The following CFAP61 variants were observed in gnomAD, a reference collection of about 807,000 sequenced individuals.
The protein encoded by CFAP61 is cilia- and flagella-associated protein 61.
Under a neutral mutation model 135.6 loss-of-function variants are expected in CFAP61, and 107 were observed. That is an observed-to-expected ratio of 0.79 (90% confidence interval 0.67 to 0.93). The LOEUF is 0.93. CFAP61 is among the 40% of genes least tolerant of loss of function. The pLI is 0.00. For missense variants in CFAP61, 1,507 were observed against 1,556.2 expected, an observed-to-expected ratio of 0.97 and a Z score of 0.53; for synonymous variants, 575 against 578.5, an observed-to-expected ratio of 0.99 and a Z score of 0.09.
chr20:20,206,823 G>A (rs914118892), intron 17 of CFAP61, among the ~76,000 whole-genome samples: 1 of 152,006 alleles, frequency 6.6e-6, no homozygotes, highest in Non-Finnish European at 1.5e-5. Flanking sequence ...GGGTCACATG[G>A]TAACTCTATG....
At chr20:20,304,067 C>T (rs1333395507) in intron 25 of CFAP61, among the ~76,000 whole-genome samples, 1 of 152,124 alleles carries the variant, frequency 6.6e-6, no homozygotes, top group Admixed American at 6.5e-5. Context: ...TCACTTGGAA[C>T]CATATGGGGA....
chr20:20,200,402 A>G (rs752111406), intron 17 of CFAP61, among the ~76,000 whole-genome samples: 2 of 152,204 alleles, frequency 1.3e-5, no homozygotes, highest in Non-Finnish European at 2.9e-5. Flanking sequence ...ACAGAAGCAT[A>G]TGAGCTGCCC....
intron 26 of CFAP61, among the ~76,000 whole-genome samples, chr20:20,356,531 G>GTGAGGGGAGGTGGTCACAC (rs1485656664): frequency 9.2e-6 from 1 of 108,986 alleles, no homozygotes; most frequent in Non-Finnish European, 2.1e-5. Flanking sequence ...TGGTCACAGT[G>GTGAGGGGAGGTGGTCACAC]TGAGGGGAGG....
intron 6 of CFAP61, among the ~76,000 whole-genome samples, chr20:20,082,576 G>A (rs2046506870): frequency 6.6e-6 from 1 of 152,210 alleles, no homozygotes; most frequent in Non-Finnish European, 1.5e-5. Context: ...GGGAAAACCT[G>A]TCTTTTTCAA....
At chr20:20,130,081 A>C (rs571019662) in intron 8 of CFAP61, among the ~76,000 whole-genome samples, 1 of 151,690 alleles carries the variant, frequency 6.6e-6, no homozygotes, top group South Asian at 2.1e-4. Flanking sequence ...TGAGGTCAGG[A>C]GTTTGAGACC....
chr20:20,136,169 T>C lies in CFAP61; in HGVS notation c.860-6688T>C, dbSNP rs191345469. ...CTTGCTGCTTTTAGGGTCCCTTTTT[T>C]TACCCTTGACCTTTGGGAGTTTGAT... On this transcript the variant is annotated intron_variant, in intron 8 of 26. Coordinates refer to ENST00000245957, the MANE Select transcript of CFAP61 (RefSeq NM_015585.4). Among the ~76,000 whole-genome samples the C allele has an allele frequency of 3.0e-4, 46 of 152,244 alleles. No individual in the cohort carries two copies. In the East Asian group the frequency reaches 8.3e-3, roughly 27 times the overall value.
At chr20:20,149,490 G>T (rs954820807) in intron 9 of CFAP61, among the ~76,000 whole-genome samples, 8 of 152,198 alleles carry the variant, frequency 5.3e-5, no homozygotes, top group African/African-American at 1.9e-4. Flanking sequence ...AGAAGCAGCA[G>T]ACTGCTGCAA....
At position 20,169,359 on chromosome 20, in the gene CFAP61, C is replaced by G; in HGVS notation, c.1284C>G (p.Thr428=). ...GTGTAATTTCTCTGCCCCATCTCAC[C>G]CCCGAGTTCTTCCTCATCCAGAACT... The part of the protein sequence containing the change: ...NFCVISLPHL[T]PEFFLIQNFV... Residue 428 remains threonine, a synonymous_variant, in exon 13 of 27, where the codon ACC becomes ACG. Coordinates refer to ENST00000245957, the MANE Select transcript of CFAP61 (RefSeq NM_015585.4). 6.2e-7 allele frequency: 1 copy of G among 1,613,652 alleles called. No individual in the cohort carries two copies. Among genetic ancestry groups the G allele is most frequent in the Non-Finnish European group, 8.5e-7 (1 of 1,179,860 alleles).
chr20:20,138,184 G>A (rs116121252), intron 8 of CFAP61, among the ~76,000 whole-genome samples: 79 of 152,232 alleles, frequency 5.2e-4, no homozygotes, highest in African/African-American at 1.8e-3. Flanking sequence ...GGAAGGAGTC[G>A]GAGTCTCTTT....
intron 23 of CFAP61, 40 bp downstream of exon 23, chr20:20,288,976 A>C (rs745588957): frequency 1.3e-6 from 2 of 1,533,936 alleles, no homozygotes; most frequent in Non-Finnish European, 1.8e-6. Context: ...GAAGCCACAG[A>C]TTAGGTATGG....
intron 24 of CFAP61, among the ~76,000 whole-genome samples, chr20:20,295,995 T>A: frequency 1.0e-5 from 1 of 95,866 alleles, no homozygotes; most frequent in Non-Finnish European, 2.3e-5. Flanking sequence ...GCTTCCCTCC[T>A]TCCTTCCTTC....
At chr20:20,358,931 T>C (rs555853381) in intron 26 of CFAP61, among the ~76,000 whole-genome samples, 29 of 152,342 alleles carry the variant, frequency 1.9e-4, no homozygotes, top group African/African-American at 6.0e-4. Context: ...TCTAGGGTGA[T>C]GTTCAAGAAT....
intron 13 of CFAP61, 95 bp downstream of exon 13, chr20:20,169,555 T>C (rs2054073732): frequency 1.8e-6 from 2 of 1,087,206 alleles, no homozygotes; most frequent in African/African-American, 3.2e-5. Flanking sequence ...AATAATTTAT[T>C]TTAAATATCA....
intron 9 of CFAP61, among the ~76,000 whole-genome samples, chr20:20,144,992 G>T (rs2051753213): frequency 6.6e-6 from 1 of 152,080 alleles, no homozygotes; most frequent in African/African-American, 2.4e-5. Context: ...AAGGTGGAAA[G>T]GTGCATCACC....
chr20:20,354,520 A>AT (rs59055687), intron 26 of CFAP61, among the ~76,000 whole-genome samples: 17 of 147,624 alleles, frequency 1.2e-4, no homozygotes, highest in Non-Finnish European at 2.4e-4. Flanking sequence ...AAAAAAAAAA[A>AT]TCAGGTACAG....
chr20:20,186,479 A>G (rs953047642), intron 13 of CFAP61, among the ~76,000 whole-genome samples: 25 of 152,206 alleles, frequency 1.6e-4, no homozygotes, highest in African/African-American at 5.8e-4. Context: ...GCTGCTATGA[A>G]AATTCATGTA....
chr20:20,199,190 C>A (rs748097475), intron 16 of CFAP61, among the ~76,000 whole-genome samples: 15 of 152,168 alleles, frequency 9.9e-5, no homozygotes, highest in Non-Finnish European at 1.8e-4. Flanking sequence ...CTACTTCTCC[C>A]ACACCCACCC....
At chr20:20,120,927 T>A (rs2049563823) in intron 8 of CFAP61, among the ~76,000 whole-genome samples, 1 of 152,178 alleles carries the variant, frequency 6.6e-6, no homozygotes. Flanking sequence ...CAATTTCATC[T>A]GATATTAATA....
chr20:20,353,330 G>A (rs1372322111), intron 26 of CFAP61, among the ~76,000 whole-genome samples: 1 of 152,178 alleles, frequency 6.6e-6, no homozygotes, highest in Non-Finnish European at 1.5e-5. Context: ...TGGTCCCAGT[G>A]TGCGTGAGTG....
Sources: gnomAD v4.1 joint callset for allele counts (sites outside exome capture counted in the v4.1 genomes callset) on GRCh38, gnomAD v4.1.1 for gene constraint, MANE v1.5 for transcripts, NCBI Gene and HGNC (gene_info 2026-07-23, HGNC 2026-07-21) for gene names.